The following FILIP1L variants were observed in gnomAD, a reference collection of about 807,000 sequenced individuals.
FILIP1L encodes the protein filamin A interacting protein 1 like.
Under a neutral mutation model 96.6 loss-of-function variants are expected in FILIP1L, and 55 were observed. The observed-to-expected ratio is 0.57, with a 90% confidence interval of 0.46 to 0.71. FILIP1L has a LOEUF of 0.71. Among genes scored for constraint, FILIP1L ranks in the 30% least tolerant of loss-of-function variants. The pLI is 0.00. For missense variants in FILIP1L, 1,304 were observed against 1,321.2 expected (o/e 0.99, Z 0.20); for synonymous variants, 467 against 473.9 (o/e 0.99, Z 0.19).
chr3:99,877,166 A>G (rs1705563536), intron 4 of FILIP1L, among the ~76,000 whole-genome samples: 1 of 152,216 alleles, frequency 6.6e-6, no homozygotes, highest in Non-Finnish European at 1.5e-5. Context: ...TCTGCTAAAT[A>G]AATTAGGGAC....
chr3:100,092,432 T>G (rs1226041040), intron 1 of FILIP1L, among the ~76,000 whole-genome samples: 2 of 152,034 alleles, frequency 1.3e-5, no homozygotes, highest in Non-Finnish European at 2.9e-5. Flanking sequence ...TGGCTTTTTT[T>G]TAACATGGAA....
chr3:99,882,893 T>C (rs1705774990), intron 4 of FILIP1L, among the ~76,000 whole-genome samples: 1 of 152,260 alleles, frequency 6.6e-6, no homozygotes. Context: ...AGATTGCTGC[T>C]TATCATCTCA....
At chr3:99,892,220 C>T (rs1172476143) in intron 4 of FILIP1L, among the ~76,000 whole-genome samples, 1 of 152,164 alleles carries the variant, frequency 6.6e-6, no homozygotes, top group African/African-American at 2.4e-5. Flanking sequence ...TCATAGTGCA[C>T]TAGGCAAGTC....
At position 99,851,022 on chromosome 3, in the gene FILIP1L, C is replaced by T; in HGVS notation, c.654G>A (p.Glu218=). ...TGGTGACCCTTTTCTCCTTTTCTTG[C>T]TCCTTCTCCTCCTGAGACTTGATTT... ...DQEIKSQEEK[E]QEKEKRVTTL... The change falls in exon 5 of 6, where the codon GAG becomes GAA. Residue 218 remains glutamate (E), a synonymous_variant. Coordinates refer to ENST00000477258, the MANE Select transcript of FILIP1L (RefSeq NM_001387850.1). 6.2e-7 allele frequency: 1 copy of T among 1,609,530 alleles called. No individual in the cohort carries two copies. The highest frequency in any genetic ancestry group is 1.3e-5 in the African/African-American group (1 of 74,830).
rs762204137 is a variant in FILIP1L at position 99,983,826 on chromosome 3, AG to A, written c.-10-52797del. On this transcript the variant is annotated intron_variant, in intron 1 of 5. Coordinates refer to ENST00000477258, the MANE Select transcript of FILIP1L (RefSeq NM_001387850.1). Reference sequence around the variant, plus strand: ...TAAAATCAGAGGATGAAAGCAAAGGAGAATGGACCATCTGATGAAATAAACT... The same window carrying A: ...TAAAATCAGAGGATGAAAGCAAAGGAAATGGACCATCTGATGAAATAAACT... Among the ~76,000 whole-genome samples, 33 of 152,094 alleles carry A rather than the reference AG, an allele frequency of 2.2e-4. 1 individual carries two copies. The highest frequency in any genetic ancestry group is 4.2e-4 in the South Asian group (2 of 4,818).
intron 1 of FILIP1L, among the ~76,000 whole-genome samples, chr3:100,003,122 CACTT>C (rs1709890285): frequency 6.6e-6 from 1 of 152,202 alleles, no homozygotes; most frequent in Non-Finnish European, 1.5e-5. Context: ...TGTAGCCTCA[CACTT>C]ACCTCACCCT....
chr3:99,852,211 A>T (rs971082874), intron 4 of FILIP1L, among the ~76,000 whole-genome samples: 2 of 152,242 alleles, frequency 1.3e-5, no homozygotes. Context: ...ACAGCTTTGC[A>T]GTACTGTTAT....
chr3:99,850,292 G>T lies in FILIP1L; in HGVS notation c.1384C>A (p.Leu462Met). ...RMTTKQLSQE[L>M]ESLKVRIKEL... ...TTGATCCTTACTTTTAAACTCTCCAGTTCTTGAGACAACTGCTTTGTGGTC... is the reference window on the plus strand; with the variant it reads ...TTGATCCTTACTTTTAAACTCTCCATTTCTTGAGACAACTGCTTTGTGGTC... The change falls in exon 5 of 6, where the codon CTG becomes ATG. Residue 462 changes from leucine (L) to methionine (M), a missense_variant. By Grantham distance (15) the Leu-to-Met change is conservative. Transcript: ENST00000477258. 1.2e-6 allele frequency: 2 copies of T among 1,613,772 alleles called. No individual in the cohort carries two copies. Among genetic ancestry groups the T allele is most frequent in the South Asian group, 2.2e-5 (2 of 91,020 alleles).
intron 5 of FILIP1L, among the ~76,000 whole-genome samples, chr3:99,837,744 T>C (rs1333092521): frequency 1.3e-5 from 2 of 152,260 alleles, no homozygotes; most frequent in African/African-American, 2.4e-5. Context: ...GCCAGTCTTA[T>C]TAAGTTACAG....
chr3:99,969,388 C>T (rs1158936708), intron 1 of FILIP1L, among the ~76,000 whole-genome samples: 5 of 152,236 alleles, frequency 3.3e-5, no homozygotes, highest in Middle Eastern at 3.4e-3. Context: ...GGTTGAGCCA[C>T]GTTGATGGCC....
chr3:100,079,273 GGTCGAA>G (rs1324558938), intron 1 of FILIP1L, among the ~76,000 whole-genome samples: 1 of 152,166 alleles, frequency 6.6e-6, no homozygotes, highest in Non-Finnish European at 1.5e-5. Context: ...GCTTTCTGTT[GGTCGAA>G]GTATTCAAAA....
chr3:100,089,900 G>A lies in FILIP1L; in HGVS notation c.-11+24153C>T, dbSNP rs968376280. Reference sequence around the variant, plus strand: ...TCTTGTCTTCCGTTTCCTAGGCTGTGAACTGTAGGAATTGACTCAGATGAT... The same window carrying A: ...TCTTGTCTTCCGTTTCCTAGGCTGTAAACTGTAGGAATTGACTCAGATGAT... On this transcript the variant is annotated intron_variant, in intron 1 of 5. Coordinates refer to ENST00000477258, the MANE Select transcript of FILIP1L (RefSeq NM_001387850.1). 2.0e-5 allele frequency among the ~76,000 whole-genome samples: 3 copies of A among 152,178 alleles called. 1 individual carries two copies. The South Asian group carries it at 6.2e-4, about 32-fold the overall frequency.
intron 1 of FILIP1L, among the ~76,000 whole-genome samples, chr3:99,991,150 A>C (rs1265044723): frequency 5.9e-5 from 9 of 152,198 alleles, no homozygotes; most frequent in Admixed American, 4.6e-4. Context: ...AAATATGCCC[A>C]TTCTCATTCG....
chr3:100,102,572 AT>A (rs906999376), intron 1 of FILIP1L, among the ~76,000 whole-genome samples: 1 of 151,930 alleles, frequency 6.6e-6, no homozygotes, highest in Non-Finnish European at 1.5e-5. Context: ...ATTGTTTTAT[AT>A]TTTTTGTGTT....
intron 4 of FILIP1L, among the ~76,000 whole-genome samples, chr3:99,910,114 C>G (rs1358814287): frequency 2.9e-5 from 4 of 136,282 alleles, no homozygotes; most frequent in African/African-American, 1.0e-4. Flanking sequence ...TGTCCAGAAC[C>G]TGTGAAATTC....
chr3:99,935,939 T>C (rs1356951258), intron 1 of FILIP1L, among the ~76,000 whole-genome samples: 2 of 152,194 alleles, frequency 1.3e-5, no homozygotes, highest in Non-Finnish European at 2.9e-5. Context: ...TAAATAGAAG[T>C]CTATTCTACT....
chr3:99,980,409 A>T (rs1464685353), intron 1 of FILIP1L, among the ~76,000 whole-genome samples: 1 of 152,166 alleles, frequency 6.6e-6, no homozygotes, highest in African/African-American at 2.4e-5. Context: ...TACATCAGAT[A>T]TGTTAGGTAA....
chr3:99,960,656 A>C (rs1349887233), intron 1 of FILIP1L, among the ~76,000 whole-genome samples: 1 of 151,984 alleles, frequency 6.6e-6, no homozygotes, highest in Non-Finnish European at 1.5e-5. Context: ...GGTAGGGGAG[A>C]AGTAGGGGAG....
intron 1 of FILIP1L, among the ~76,000 whole-genome samples, chr3:99,983,059 A>G (rs1559713163): frequency 6.6e-6 from 1 of 152,204 alleles, no homozygotes; most frequent in Admixed American, 6.5e-5. Context: ...CCCATCAGGA[A>G]TAACACATGC....
Sources: allele counts gnomAD v4.1 joint callset (sites outside exome capture counted in the v4.1 genomes callset), GRCh38; gene constraint gnomAD v4.1.1; transcripts MANE v1.5; gene names NCBI Gene and HGNC (gene_info 2026-07-23, HGNC 2026-07-21).